TIAM1: variants seen among roughly 807,000 people sequenced by gnomAD.
The protein encoded by TIAM1 is rho guanine nucleotide exchange factor TIAM1.
Under a neutral mutation model 163.5 loss-of-function variants are expected in TIAM1, and 65 were observed. The observed-to-expected ratio is 0.40, with a 90% CI of 0.33 to 0.49. TIAM1 has a LOEUF of 0.49. TIAM1 is among the 20% of genes least tolerant of loss of function. The pLI is 0.77. For missense variants in TIAM1, 1,789 were observed against 2,044.7 expected (o/e 0.87, Z 2.41); for synonymous variants, 833 against 810.1 (o/e 1.03, Z -0.48).
At chr21:31,413,955 C>T (rs889399930) in intron 2 of TIAM1, among the ~76,000 whole-genome samples, 2 of 152,134 alleles carry the variant, frequency 1.3e-5, no homozygotes, top group East Asian at 1.9e-4. Context: ...GCAGAGCAAC[C>T]GTCGTGATGG....
At chr21:31,472,649 C>A (rs73900103) in intron 1 of TIAM1, among the ~76,000 whole-genome samples, 4,601 of 152,318 alleles carry the variant, frequency 0.03, 238 homozygotes, top group African/African-American at 0.1. Context: ...CCTCTGTGCT[C>A]CAGATACTGG....
chr21:31,313,611 G>A (rs2075007415), intron 2 of TIAM1, among the ~76,000 whole-genome samples: 1 of 152,138 alleles, frequency 6.6e-6, no homozygotes, highest in African/African-American at 2.4e-5. Flanking sequence ...GTCTTGCTCT[G>A]TTGCTCAGGC....
intron 15 of TIAM1, among the ~76,000 whole-genome samples, chr21:31,174,026 GACAA>G (rs1438387002): frequency 1.3e-5 from 2 of 152,146 alleles, no homozygotes; most frequent in African/African-American, 2.4e-5. Flanking sequence ...AAATGTTATC[GACAA>G]ACAAACAGAG....
chr21:31,317,788 C>A (rs965485677), intron 2 of TIAM1, among the ~76,000 whole-genome samples: 5 of 152,006 alleles, frequency 3.3e-5, no homozygotes, highest in South Asian at 2.1e-4. Flanking sequence ...TCAAAAAAAA[C>A]CCCAAAAAAC....
intron 6 of TIAM1, among the ~76,000 whole-genome samples, chr21:31,238,779 C>T (rs2071021034): frequency 6.6e-6 from 1 of 152,176 alleles, no homozygotes; most frequent in Admixed American, 6.5e-5. Flanking sequence ...TTAGGGTCAA[C>T]AGTAATAGGA....
rs2077046879 is a variant in TIAM1 at position 31,395,345 on chromosome 21, C to A, written c.-368-55923G>T. The stretch of plus-strand genomic sequence containing the variant: ...CTTCTAGAGAAGTGACAAATGGCCC[C>A]ACACACAGATCACTGCTTGCCTCCA... On this transcript the variant is annotated intron_variant, in intron 2 of 28. Transcript: ENST00000286827. The surrounding 1 kb of genome is among the most constrained non-coding windows in gnomAD (Gnocchi z 7.5). 6.6e-6 allele frequency among the ~76,000 whole-genome samples: 1 copy of A among 151,516 alleles called. No individual in the cohort carries two copies. The highest frequency in any genetic ancestry group is 6.6e-5 in the Admixed American group (1 of 15,222).
At chr21:31,456,955 C>G (rs2045127551) in intron 2 of TIAM1, among the ~76,000 whole-genome samples, 4 of 152,170 alleles carry the variant, frequency 2.6e-5, no homozygotes, top group Admixed American at 2.6e-4. Flanking sequence ...CAACATTGCA[C>G]TTGGTTGATT....
chr21:31,130,355 A>C (rs2082367229), intron 24 of TIAM1, 40 bp from the exon 25 acceptor site: 2 of 1,523,024 alleles, frequency 1.3e-6, no homozygotes, highest in Non-Finnish European at 1.8e-6. Flanking sequence ...GAAGAATCTA[A>C]CCTGCCCCGG....
chr21:31,320,731 C>T (rs1601949880), intron 2 of TIAM1, among the ~76,000 whole-genome samples: 1 of 152,168 alleles, frequency 6.6e-6, no homozygotes, highest in Non-Finnish European at 1.5e-5. Flanking sequence ...CGGCGGCTCA[C>T]GCCTGTAATC....
Position 31,418,955 on chromosome 21 carries a change from C to T in TIAM1, c.-369+45028G>A, listed in dbSNP as rs376550695. On this transcript the variant is annotated intron_variant, in intron 2 of 28. Coordinates refer to the TIAM1 transcript ENST00000286827. ...GCCCAGCCCCCACCGAGCGGTCTAG[C>T]CCAGTAATCCTAGGTTGAAGATGTG... is the stretch of plus-strand genomic sequence containing the variant. Among the ~76,000 whole-genome samples the T allele has an allele frequency of 1.2e-4, 18 of 152,278 alleles. 1 individual carries two copies. Among genetic ancestry groups the T allele is most frequent in the Admixed American group, 7.8e-4 (12 of 15,294 alleles).
intron 2 of TIAM1, among the ~76,000 whole-genome samples, chr21:31,382,047 C>T (rs1309280405): frequency 2.0e-5 from 3 of 152,100 alleles, no homozygotes; most frequent in African/African-American, 4.8e-5. Flanking sequence ...CTGCCTAAGA[C>T]AAAGACCAAT....
intron 2 of TIAM1, among the ~76,000 whole-genome samples, chr21:31,375,812 A>C (rs1302920375): frequency 2.0e-5 from 3 of 151,972 alleles, no homozygotes; most frequent in Non-Finnish European, 4.4e-5. Flanking sequence ...GAGGATCACA[A>C]GGTCAGGAGT....
chr21:31,417,820 G>A (rs2043425778), intron 2 of TIAM1, among the ~76,000 whole-genome samples: 2 of 152,092 alleles, frequency 1.3e-5, no homozygotes, highest in Admixed American at 1.3e-4. Context: ...CACCTGAAGG[G>A]GGTACATTAT....
chr21:31,435,931 C>G (rs2044194789), intron 2 of TIAM1, among the ~76,000 whole-genome samples: 1 of 152,180 alleles, frequency 6.6e-6, no homozygotes, highest in African/African-American at 2.4e-5. Context: ...GATGCAGCCC[C>G]TTGATCTTGG....
chr21:31,486,605 C>T (rs2046280804), intron 1 of TIAM1, among the ~76,000 whole-genome samples: 2 of 152,238 alleles, frequency 1.3e-5, no homozygotes, highest in South Asian at 2.1e-4. Context: ...GTGACCACTG[C>T]CCAATCACCC....
chr21:31,386,430 C>T (rs978651644), intron 2 of TIAM1, among the ~76,000 whole-genome samples: 1 of 152,116 alleles, frequency 6.6e-6, no homozygotes, highest in African/African-American at 2.4e-5. Flanking sequence ...AAATCAAACC[C>T]ACACCAAAAG....
At chr21:31,365,205 A>T (rs1450768149) in intron 2 of TIAM1, among the ~76,000 whole-genome samples, 1 of 151,672 alleles carries the variant, frequency 6.6e-6, no homozygotes, top group Admixed American at 6.6e-5. Flanking sequence ...AGGAAAGAAG[A>T]TCTCCCCAGC....
intron 2 of TIAM1, among the ~76,000 whole-genome samples, chr21:31,423,248 GCCA>G (rs1193904124): frequency 6.6e-6 from 1 of 151,674 alleles, no homozygotes; most frequent in African/African-American, 2.4e-5. Context: ...ACAGGCGCCC[GCCA>G]CCACACCTGG....
chr21:31,557,491 C>A (rs933124), intron 1 of TIAM1, among the ~76,000 whole-genome samples: 136,971 of 152,214 alleles, frequency 0.9, 61,811 homozygotes, highest in East Asian at 1. Flanking sequence ...AACTGAGACA[C>A]AGGAAGATAG....
Sources: gnomAD v4.1 joint callset for allele counts (sites outside exome capture counted in the v4.1 genomes callset) on GRCh38, gnomAD v4.1.1 for gene constraint, Gnocchi (gnomAD v3.1) non-coding constraint, MANE v1.5 for transcripts, NCBI Gene and HGNC (gene_info 2026-07-23, HGNC 2026-07-21) for gene names.